The following MAGI2 variants were observed in gnomAD, a reference collection of about 807,000 sequenced individuals.
MAGI2 encodes membrane-associated guanylate kinase, WW and PDZ domain-containing protein 2.
A neutral mutation model predicts 133.3 loss-of-function variants in MAGI2; 35 were observed. That is an observed-to-expected ratio of 0.26 (90% CI 0.20 to 0.35). MAGI2 has a LOEUF of 0.35. Ranked by LOEUF, MAGI2 falls within the 10% of genes least tolerant of loss-of-function variation. The pLI is 1.00. For missense variants in MAGI2, 1,636 were observed against 1,863.4 expected (o/e 0.88, Z 2.25); for synonymous variants, 729 against 710.6 (o/e 1.03, Z -0.41).
In MAGI2 at chr7:79,274,714, T is replaced by C. The variant is rs190099555; in HGVS notation, c.301+178306A>G. Among the ~76,000 whole-genome samples, 3 of 152,322 alleles carry C rather than the reference T, an allele frequency of 2.0e-5. No individual in the cohort carries two copies. The East Asian group carries it at 5.8e-4, about 29-fold the overall frequency. ...GCACTTTGCAGATATTTGTGTATTT[T>C]ACAAATTGAAGGTTGTGTCAACACG... On this transcript the variant is annotated intron_variant, in intron 1 of 21. Coordinates refer to ENST00000354212, the MANE Select transcript of MAGI2 (RefSeq NM_012301.4).
Position 78,308,044 on chromosome 7 carries a change from G to C in MAGI2, c.1408+35734C>G, listed in dbSNP as rs145738697. Among the ~76,000 whole-genome samples the C allele has an allele frequency of 2.9e-3, 440 of 152,302 alleles. 2 individuals are homozygous for C. Among genetic ancestry groups the C allele is most frequent in the Admixed American group, 5.9e-3 (90 of 15,298 alleles). ...TTAGGTCATTGGGAATCAATTTGCT[G>C]AATCAAAGAGAACCAAGCTCACTTT... On this transcript the variant is annotated intron_variant, in intron 9 of 21. Coordinates refer to ENST00000354212, the MANE Select transcript of MAGI2 (RefSeq NM_012301.4).
At position 79,135,738 on chromosome 7, in the gene MAGI2, C is replaced by T. The variant is rs747601735; in HGVS notation, c.302-128532G>A. Among the ~76,000 whole-genome samples, 7 of 151,414 alleles carry T rather than the reference C, an allele frequency of 4.6e-5. No individual in the cohort carries two copies. The East Asian group carries it at 5.8e-4, about 13-fold the overall frequency. ...GAGAGATAGCTTGAGGTCGGGAGTC[C>T]GAGATGAGCCTGGGCAACATAGCAA... is the stretch of plus-strand genomic sequence containing the variant. On this transcript the variant is annotated intron_variant, in intron 1 of 21. Transcript: ENST00000354212.
intron 9 of MAGI2, among the ~76,000 whole-genome samples, chr7:78,291,007 T>A (rs1287208779): frequency 3.3e-5 from 5 of 152,172 alleles, no homozygotes; most frequent in African/African-American, 1.2e-4. Flanking sequence ...ATTGACACCC[T>A]AATGTCACAA....
chr7:79,075,729 A>T (rs1815405090), intron 1 of MAGI2, among the ~76,000 whole-genome samples: 1 of 152,142 alleles, frequency 6.6e-6, no homozygotes, highest in African/African-American at 2.4e-5. Context: ...ACGCCACTGC[A>T]CTCCAGCCTT....
At chr7:79,113,905 A>T (rs1326165897) in intron 1 of MAGI2, among the ~76,000 whole-genome samples, 1 of 152,080 alleles carries the variant, frequency 6.6e-6, no homozygotes, top group Non-Finnish European at 1.5e-5. Context: ...ATCTTGAATT[A>T]TATTACCTTT....
At chr7:78,097,959 T>C (rs1454495672) in intron 20 of MAGI2, among the ~76,000 whole-genome samples, 2 of 152,144 alleles carry the variant, frequency 1.3e-5, no homozygotes, top group Admixed American at 6.5e-5. Context: ...TAAGAACCCT[T>C]CTCAGATTCA....
At chr7:78,530,873 T>C (rs1469865073) in intron 3 of MAGI2, among the ~76,000 whole-genome samples, 1 of 152,202 alleles carries the variant, frequency 6.6e-6, no homozygotes, top group Non-Finnish European at 1.5e-5. Context: ...CATATGATGC[T>C]TGCATTTTAA....
At chr7:79,190,923 A>G (rs1398982960) in intron 1 of MAGI2, among the ~76,000 whole-genome samples, 1 of 151,870 alleles carries the variant, frequency 6.6e-6, no homozygotes, top group Non-Finnish European at 1.5e-5. Context: ...TGCCATTAAA[A>G]ATAAGATATA....
intron 2 of MAGI2, among the ~76,000 whole-genome samples, chr7:78,664,386 C>A (rs978593810): frequency 1.3e-5 from 2 of 152,014 alleles, no homozygotes; most frequent in Admixed American, 6.6e-5. Context: ...TGTAGAAACA[C>A]TATAGAATTG....
intron 9 of MAGI2, among the ~76,000 whole-genome samples, chr7:78,305,041 G>A (rs798279): frequency 0.28 from 42,090 of 152,096 alleles, 6,055 homozygotes; most frequent in African/African-American, 0.31. Flanking sequence ...CATAAGGGCA[G>A]TGTCTTTTTT....
intron 1 of MAGI2, among the ~76,000 whole-genome samples, chr7:79,031,501 T>C (rs754071508): frequency 2.0e-5 from 3 of 152,204 alleles, no homozygotes; most frequent in African/African-American, 4.8e-5. Flanking sequence ...AATTTTTCTA[T>C]ATTAAATGCT....
At chr7:79,103,739 G>A (rs1818192184) in intron 1 of MAGI2, among the ~76,000 whole-genome samples, 1 of 151,192 alleles carries the variant, frequency 6.6e-6, no homozygotes, top group Non-Finnish European at 1.5e-5. Context: ...TCAGTCTGTC[G>A]CCCAGCCTGG....
intron 1 of MAGI2, among the ~76,000 whole-genome samples, chr7:79,079,992 T>G (rs2129541803): frequency 6.6e-6 from 1 of 152,246 alleles, no homozygotes; most frequent in South Asian, 2.1e-4. Flanking sequence ...TTGCCAGCAC[T>G]AATGATTTAT....
intron 6 of MAGI2, among the ~76,000 whole-genome samples, chr7:78,449,116 C>T (rs1001951689): frequency 5.3e-5 from 8 of 152,138 alleles, no homozygotes; most frequent in Middle Eastern, 3.4e-3. Context: ...TGCCCTGGTG[C>T]CCCTTTCCAT....
intron 1 of MAGI2, among the ~76,000 whole-genome samples, chr7:79,112,286 T>C (rs2129543993): frequency 6.6e-6 from 1 of 152,290 alleles, no homozygotes; most frequent in Non-Finnish European, 1.5e-5. Flanking sequence ...TTGGGGCAAG[T>C]CTATTCGCAA....
intron 16 of MAGI2, among the ~76,000 whole-genome samples, chr7:78,140,562 G>T (rs747640455): frequency 1.3e-5 from 2 of 152,224 alleles, no homozygotes; most frequent in Non-Finnish European, 2.9e-5. Context: ...ATTTGTGAAG[G>T]TTAAACAACA....
chr7:78,354,112 T>C (rs1393772297), intron 7 of MAGI2, among the ~76,000 whole-genome samples: 1 of 152,198 alleles, frequency 6.6e-6, no homozygotes, highest in Non-Finnish European at 1.5e-5. Context: ...TTCAGTGTCC[T>C]AGGTATTGTT....
At chr7:79,450,113 T>A (rs951628028) in intron 1 of MAGI2, among the ~76,000 whole-genome samples, 4 of 152,004 alleles carry the variant, frequency 2.6e-5, no homozygotes, top group Non-Finnish European at 4.4e-5. Context: ...ATAATTCTTG[T>A]AGTTTCTGTA....
At chr7:78,471,902 GCAA>G (rs1791241525) in intron 6 of MAGI2, among the ~76,000 whole-genome samples, 1 of 151,656 alleles carries the variant, frequency 6.6e-6, no homozygotes, top group African/African-American at 2.4e-5. Context: ...TCCAGCCTGG[GCAA>G]CAGAGCAAGA....
Sources: allele counts gnomAD v4.1 joint callset (sites outside exome capture counted in the v4.1 genomes callset), GRCh38; gene constraint gnomAD v4.1.1; transcripts MANE v1.5; gene names NCBI Gene and HGNC (gene_info 2026-07-23, HGNC 2026-07-21).